Variants in TMEM269 observed in about 807,000 individuals in gnomAD.
TMEM269 encodes transmembrane protein 269.
In TMEM269, 12 loss-of-function variants were observed where a neutral mutation model predicts 15.8. That is an observed-to-expected ratio of 0.76 (90% CI 0.49 to 1.23). The LOEUF (loss-of-function observed/expected upper bound fraction) is 1.23. Ranked by LOEUF, TMEM269 falls within the 50% of genes most tolerant of loss-of-function variation. TMEM269 has a pLI of 0.00. For missense variants in TMEM269, 211 were observed against 245.4 expected (o/e 0.86, Z 0.94); for synonymous variants, 93 against 99.3 (o/e 0.94, Z 0.38).
rs1329361918 is a variant in TMEM269, at chr1:42,788,544, C to G, written c.-98-1252C>G. Among the ~76,000 whole-genome samples, 2 of 152,058 alleles carry G rather than the reference C, an allele frequency of 1.3e-5. No homozygotes were observed. On this transcript the variant is annotated intron_variant, in intron 1 of 5. Coordinates refer to ENST00000637012, the MANE Select transcript of TMEM269 (RefSeq NM_001354602.2). The surrounding 1 kb of genome is among the most constrained non-coding windows in gnomAD (Gnocchi z 4.0). The stretch of plus-strand genomic sequence containing the variant: ...GAAGATGGGCAGGGCCAGCCAATTC[C>G]CTGTTGTGGGAGAGACTGGGAGAGA...
intron 1 of TMEM269, 96 bp downstream of exon 1, chr1:42,785,178 T>A (rs960722819): frequency 5.3e-5 from 8 of 152,308 alleles, no homozygotes; most frequent in African/African-American, 1.4e-4. Context: ...TGGTCGCGGC[T>A]GAAGCCGGGC....
intron 3 of TMEM269, among the ~76,000 whole-genome samples, 186 bp downstream of exon 3, chr1:42,793,088 C>A (rs935358039): frequency 6.6e-6 from 1 of 152,222 alleles, no homozygotes; most frequent in Admixed American, 6.5e-5. Flanking sequence ...CCAGCTCCAG[C>A]TCCTCTGCTG....
At chr1:42,785,723 TCTC>T (rs1301586054) in intron 1 of TMEM269, among the ~76,000 whole-genome samples, 1 of 152,164 alleles carries the variant, frequency 6.6e-6, no homozygotes, top group Non-Finnish European at 1.5e-5. Flanking sequence ...CCAGGATCCA[TCTC>T]CTCATCGTGC....
chr1:42,789,907 T>C lies in TMEM269; in HGVS notation c.14T>C (p.Leu5Pro). 1 of 1,550,684 alleles carries C rather than the reference T, an allele frequency of 6.4e-7. No homozygotes were observed. ...TCTCTGGCCAACATGGTGCTGGGGC[T>C]CTTCTCCATCATCTTCAGCTTCAGC... MVLG[L>P]FSIIFSFSRK... Residue 5 changes from leucine (L) to proline (P), a missense_variant, in exon 2 of 6, where the codon CTC becomes CCC. Transcript: ENST00000637012.
At chr1:42,790,715 G>C (rs895006865) in intron 2 of TMEM269, among the ~76,000 whole-genome samples, 1 of 151,576 alleles carries the variant, frequency 6.6e-6, no homozygotes, top group Admixed American at 6.6e-5. Context: ...TTACAAACGT[G>C]AGCCACTGTG....
chr1:42,792,673 A>T (rs1653717904), intron 2 of TMEM269, 132 bp from the exon 3 acceptor site: 1 of 659,828 alleles, frequency 1.5e-6, no homozygotes, highest in Non-Finnish European at 2.8e-6. Context: ...AGAGGTGTGT[A>T]TGTGTGCAAG....
rs1266961013 is a variant in TMEM269 at position 42,800,720 on chromosome 1, G to C, written c.*2495G>C. On this transcript the variant is annotated 3_prime_UTR_variant, in exon 6 of 6. Transcript: ENST00000637012. Reference sequence around the variant, plus strand: ...TTACTTCCTTTCAGGGTTGTTTTGTGGATTGAACAACCGTGATGTTTTATG... The same window carrying C: ...TTACTTCCTTTCAGGGTTGTTTTGTCGATTGAACAACCGTGATGTTTTATG... 1 of 152,098 alleles carries C rather than the reference G, an allele frequency of 6.6e-6. No homozygotes were observed. The highest frequency in any genetic ancestry group is 1.5e-5 in the Non-Finnish European group (1 of 68,028). The allele number at this position is 152,098 out of a possible 1,614,324, so 9.4% of individuals were successfully genotyped here.
chr1:42,790,407 T>A (rs1164597072), intron 2 of TMEM269, among the ~76,000 whole-genome samples: 1 of 152,052 alleles, frequency 6.6e-6, no homozygotes, highest in African/African-American at 2.4e-5. Flanking sequence ...CTAATCTACT[T>A]GATTGTCTAT....
At chr1:42,794,145 G>C (rs1202646816) in intron 4 of TMEM269, among the ~76,000 whole-genome samples, 1 of 152,212 alleles carries the variant, frequency 6.6e-6, no homozygotes, top group Non-Finnish European at 1.5e-5. Flanking sequence ...GCTTAGACTA[G>C]CAGGTCTCAA....
chr1:42,793,632 C>A lies in TMEM269; in HGVS notation c.171C>A (p.Thr57=), dbSNP rs1222342102. The change falls in exon 4 of 6, where the codon ACC becomes ACA. Residue 57 remains threonine (T), a synonymous_variant. Transcript: ENST00000637012. The part of the protein sequence containing the change: ...GAELNDFAVF[T]TFGLASALLL... ...AGCTGAATGACTTTGCCGTCTTCACCACCTTCGGCTTGGCCTCCGCTCTGC... is the reference window on the plus strand; with the variant it reads ...AGCTGAATGACTTTGCCGTCTTCACAACCTTCGGCTTGGCCTCCGCTCTGC... The A allele has an allele frequency of 6.5e-7, 1 of 1,550,328 alleles. No individual in the cohort carries two copies. Among genetic ancestry groups the A allele is most frequent in the Non-Finnish European group, 8.7e-7 (1 of 1,146,880 alleles).
intron 1 of TMEM269, 107 bp downstream of exon 1, chr1:42,785,189 C>T (rs996271917): frequency 6.6e-6 from 1 of 152,260 alleles, no homozygotes; most frequent in Non-Finnish European, 1.5e-5. Flanking sequence ...GAAGCCGGGC[C>T]TGGGCATTCT....
rs559295319 is a variant in TMEM269, at chr1:42,785,547, G to C, written c.-99+465G>C. Among the ~76,000 whole-genome samples the C allele has an allele frequency of 2.5e-3, 375 of 151,982 alleles. 1 individual carries two copies. The highest frequency in any genetic ancestry group is 8.7e-3 in the African/African-American group (360 of 41,436). ...CTCCTGGCCGGTTTCCTTTTCTGCA[G>C]TTTGCCGCCTCCAAGCCGCCCTGCG... is the stretch of plus-strand genomic sequence containing the variant. On this transcript the variant is annotated intron_variant, in intron 1 of 5. Coordinates refer to ENST00000637012, the MANE Select transcript of TMEM269 (RefSeq NM_001354602.2).
rs1200019407 is a variant in TMEM269, at chr1:42,798,780, T to TC, written c.*556dup. 2.8e-5 allele frequency: 4 copies of TC among 142,904 alleles called. No individual in the cohort carries two copies. The highest frequency in any genetic ancestry group is 1.0e-4 in the African/African-American group (4 of 38,444). The allele number at this position is 142,904 out of a possible 1,614,324, so 8.9% of individuals were successfully genotyped here. On this transcript the variant is annotated 3_prime_UTR_variant, in exon 6 of 6. Coordinates refer to ENST00000637012, the MANE Select transcript of TMEM269 (RefSeq NM_001354602.2). ...TTTTTTGAGAAGGAGTCTCGCTCTT[T>TC]CACCCAGGCTGGAGTGCAGTGGAGC...
At position 42,800,155 on chromosome 1, in the gene TMEM269, A is replaced by G. The variant is rs570248414; in HGVS notation, c.*1930A>G. On this transcript the variant is annotated 3_prime_UTR_variant, in exon 6 of 6. Coordinates refer to ENST00000637012, the MANE Select transcript of TMEM269 (RefSeq NM_001354602.2). Reference sequence around the variant, plus strand: ...GTAAAATGCCCATTTGGATGTGTAAATTATCGCTTGATTGTAATGGCAATA... The same window carrying G: ...GTAAAATGCCCATTTGGATGTGTAAGTTATCGCTTGATTGTAATGGCAATA... 3.9e-5 allele frequency: 6 copies of G among 152,306 alleles called. No individual in the cohort carries two copies. The highest frequency in any genetic ancestry group is 3.9e-4 in the Admixed American group (6 of 15,296). The allele number at this position is 152,306 out of a possible 1,614,324, so 9.4% of individuals were successfully genotyped here.
At position 42,794,564 on chromosome 1, in the gene TMEM269, T is replaced by G. The variant is rs1653759323; in HGVS notation, c.435T>G (p.Tyr145Ter). Residue 145 changes from tyrosine (Y) to a stop codon, truncating the protein, a stop_gained, in exon 5 of 6, where the codon TAT (tyrosine) becomes TAG (stop). Transcript: ENST00000637012. LOFTEE classifies it high-confidence loss of function. ...LFMMDQSYYP[Y>*]DKILESENWK... ...TGATGGACCAGAGCTACTATCCATATGACAAAATCCTGGAGTCTGAGAACT... is the reference window on the plus strand; with the variant it reads ...TGATGGACCAGAGCTACTATCCATAGGACAAAATCCTGGAGTCTGAGAACT... 1 of 1,550,862 alleles carries G rather than the reference T, an allele frequency of 6.4e-7. No individual in the cohort carries two copies. The highest frequency in any genetic ancestry group is 1.4e-5 in the African/African-American group (1 of 73,034).
chr1:42,791,262 A>G (rs1411607363), intron 2 of TMEM269, among the ~76,000 whole-genome samples: 1 of 152,236 alleles, frequency 6.6e-6, no homozygotes, highest in Non-Finnish European at 1.5e-5. Context: ...GGACATCTAT[A>G]GAGTACTTCA....
rs142566048 is a variant in TMEM269 at position 42,794,020 on chromosome 1, A to T, written c.283+276A>T. Among the ~76,000 whole-genome samples, 218 of 152,306 alleles carry T rather than the reference A, an allele frequency of 1.4e-3. 1 individual carries two copies. The highest frequency in any genetic ancestry group is 5.1e-3 in the African/African-American group (210 of 41,580). The stretch of plus-strand genomic sequence containing the variant: ...TTGGATGGAGCACATTGATTCTTGG[A>T]CTAGAACTGGAGGTTGTATTCCAGT... On this transcript the variant is annotated intron_variant, in intron 4 of 5. Transcript: ENST00000637012.
At chr1:42,794,654 T>G in intron 5 of TMEM269, 41 bp downstream of exon 5, 5 of 1,378,120 alleles carry the variant, frequency 3.6e-6, no homozygotes, top group Non-Finnish European at 4.0e-6. Context: ...TTATCACAGT[T>G]GCTTATTGCC....
intron 3 of TMEM269, 59 bp from the exon 4 acceptor site, chr1:42,793,542 G>C: frequency 6.7e-7 from 1 of 1,497,502 alleles, no homozygotes; most frequent in Non-Finnish European, 8.9e-7. Flanking sequence ...TACTAGATGG[G>C]GGCTAAGGTG....
Sources: gnomAD v4.1 joint callset for allele counts (sites outside exome capture counted in the v4.1 genomes callset) on GRCh38, gnomAD v4.1.1 for gene constraint, Gnocchi (gnomAD v3.1) non-coding constraint, MANE v1.5 for transcripts, NCBI Gene and HGNC (gene_info 2026-07-23, HGNC 2026-07-21) for gene names.